Variants in CLSTN2 observed in about 807,000 individuals in gnomAD.
CLSTN2 encodes calsyntenin-2.
A neutral mutation model predicts 101.2 loss-of-function variants in CLSTN2; 48 were observed. The ratio of observed to expected loss-of-function variants is 0.47; its 90% confidence interval spans 0.38 to 0.60. The LOEUF (loss-of-function observed/expected upper bound fraction) is 0.60. Among genes scored for constraint, CLSTN2 ranks in the 20% least tolerant of loss-of-function variants. The probability of loss-of-function intolerance (pLI) is 0.00; values close to 1 mark genes in which losing one functional copy is unlikely to be tolerated. For synonymous variants in CLSTN2, 481 were observed against 463.6 expected, an observed-to-expected ratio of 1.04 and a Z score of -0.48; for missense variants, 1,160 against 1,238.2, an observed-to-expected ratio of 0.94 and a Z score of 0.95.
intron 8 of CLSTN2, among the ~76,000 whole-genome samples, chr3:140,471,474 G>A (rs1933847192): frequency 6.6e-6 from 1 of 152,134 alleles, no homozygotes; most frequent in Admixed American, 6.5e-5. Flanking sequence ...ATTGCAACAA[G>A]CACAGGATGC....
intron 4 of CLSTN2, among the ~76,000 whole-genome samples, chr3:140,418,139 T>TC (rs1559863629): frequency 6.6e-6 from 1 of 152,182 alleles, no homozygotes; most frequent in Non-Finnish European, 1.5e-5. Flanking sequence ...ATTTTTTTTT[T>TC]CAAAATTCAA....
chr3:140,360,482 GTCA>G (rs1159080351), intron 2 of CLSTN2, among the ~76,000 whole-genome samples: 2 of 152,194 alleles, frequency 1.3e-5, no homozygotes, highest in African/African-American at 4.8e-5. Flanking sequence ...CAAAGGAGTT[GTCA>G]TTTGAATAGA....
intron 1 of CLSTN2, among the ~76,000 whole-genome samples, chr3:140,104,936 C>T (rs1342814038): frequency 6.6e-6 from 1 of 152,228 alleles, no homozygotes; most frequent in African/African-American, 2.4e-5. Context: ...AGAGATCGTG[C>T]CACTGCACTC....
intron 2 of CLSTN2, among the ~76,000 whole-genome samples, chr3:140,302,488 G>A (rs2087069274): frequency 6.6e-6 from 1 of 152,184 alleles, no homozygotes; most frequent in South Asian, 2.1e-4. Flanking sequence ...TACATGGTGA[G>A]CTTTGTAATT....
At chr3:140,027,544 G>A (rs1286275285) in intron 1 of CLSTN2, among the ~76,000 whole-genome samples, 2 of 152,230 alleles carry the variant, frequency 1.3e-5, no homozygotes, top group African/African-American at 4.8e-5. Context: ...TTTGTTTCAA[G>A]CCTCCCAGTT....
chr3:140,120,752 A>G (rs1033498047), intron 1 of CLSTN2, among the ~76,000 whole-genome samples: 11 of 152,194 alleles, frequency 7.2e-5, no homozygotes, highest in African/African-American at 2.7e-4. Flanking sequence ...ATATCGTAAG[A>G]CCACAGCTAT....
intron 1 of CLSTN2, among the ~76,000 whole-genome samples, chr3:139,967,603 T>C (rs576299743): frequency 9.2e-5 from 14 of 152,336 alleles, no homozygotes; most frequent in African/African-American, 3.4e-4. Flanking sequence ...CTGTGTTTTC[T>C]CTGTATTATT....
chr3:140,549,536 T>C (rs1012536817), intron 10 of CLSTN2, among the ~76,000 whole-genome samples: 3 of 150,778 alleles, frequency 2.0e-5, no homozygotes, highest in African/African-American at 7.4e-5. Flanking sequence ...CTGGGGGCTA[T>C]TGTATGTTCA....
At chr3:140,011,851 T>C (rs1438101107) in intron 1 of CLSTN2, among the ~76,000 whole-genome samples, 3 of 151,346 alleles carry the variant, frequency 2.0e-5, no homozygotes, top group East Asian at 1.9e-4. Context: ...GCAGTGGGTG[T>C]GGGGTGAGAG....
intron 6 of CLSTN2, among the ~76,000 whole-genome samples, chr3:140,450,397 C>T (rs140241726): frequency 2.6e-5 from 4 of 152,290 alleles, no homozygotes; most frequent in Non-Finnish European, 4.4e-5. Flanking sequence ...TCTCATAAGG[C>T]GAGAAGTGCC....
chr3:140,384,429 A>G (rs896106221), intron 2 of CLSTN2, among the ~76,000 whole-genome samples: 1 of 152,248 alleles, frequency 6.6e-6, no homozygotes, highest in African/African-American at 2.4e-5. Flanking sequence ...TTAACATTTC[A>G]GTCAGCATGC....
intron 1 of CLSTN2, among the ~76,000 whole-genome samples, chr3:140,104,514 G>A (rs545324684): frequency 6.6e-6 from 1 of 152,284 alleles, no homozygotes; most frequent in South Asian, 2.1e-4. Context: ...TTAGTTCTTG[G>A]CTGACTGTAC....
chr3:140,042,653 C>A (rs1007063837), intron 1 of CLSTN2, among the ~76,000 whole-genome samples: 3 of 152,108 alleles, frequency 2.0e-5, no homozygotes, highest in African/African-American at 7.2e-5. Context: ...AGGTATATCT[C>A]CTAATGCTAT....
At chr3:140,347,310 G>A (rs2087559459) in intron 2 of CLSTN2, among the ~76,000 whole-genome samples, 1 of 152,176 alleles carries the variant, frequency 6.6e-6, no homozygotes, top group Admixed American at 6.5e-5. Flanking sequence ...TCTAAGAGAG[G>A]GTTTGGAATC....
At chr3:140,482,129 A>G (rs1234541100) in intron 8 of CLSTN2, among the ~76,000 whole-genome samples, 3 of 152,166 alleles carry the variant, frequency 2.0e-5, no homozygotes, top group African/African-American at 7.2e-5. Context: ...TCCCATCAAT[A>G]CCTAATTTAT....
intron 12 of CLSTN2, 27 bp from the exon 13 acceptor site, chr3:140,562,111 G>A (rs1379258925): frequency 6.2e-7 from 1 of 1,608,482 alleles, no homozygotes; most frequent in Admixed American, 1.7e-5. Context: ...CTTCATGCCT[G>A]CATTTCCCAT....
intron 8 of CLSTN2, among the ~76,000 whole-genome samples, chr3:140,479,215 G>C (rs1475223452): frequency 6.6e-6 from 1 of 152,176 alleles, no homozygotes; most frequent in Non-Finnish European, 1.5e-5. Flanking sequence ...TAAACATCTA[G>C]AGTTTTCCAG....
chr3:140,073,560 G>T (rs1327265992), intron 1 of CLSTN2, among the ~76,000 whole-genome samples: 1 of 152,178 alleles, frequency 6.6e-6, no homozygotes, highest in Non-Finnish European at 1.5e-5. Context: ...CATTCATGGT[G>T]CCATGCAGAC....
At chr3:140,245,031 C>G (rs985748329) in intron 2 of CLSTN2, among the ~76,000 whole-genome samples, 2 of 152,150 alleles carry the variant, frequency 1.3e-5, no homozygotes, top group African/African-American at 4.8e-5. Context: ...CTCCCTCATA[C>G]CACAGAGCCT....
Sources: gnomAD v4.1 joint callset for allele counts (sites outside exome capture counted in the v4.1 genomes callset) on GRCh38, gnomAD v4.1.1 for gene constraint, MANE v1.5 for transcripts, NCBI Gene and HGNC (gene_info 2026-07-23, HGNC 2026-07-21) for gene names.